Variants in MFN2 observed in about 807,000 individuals in gnomAD.
MFN2 encodes mitofusin-2.
MFN2 carries 43 observed loss-of-function variants against 87.5 expected under a neutral mutation model. The observed-to-expected ratio is 0.49, with a 90% CI of 0.38 to 0.63. The LOEUF (loss-of-function observed/expected upper bound fraction) is 0.63. Ranked by LOEUF, MFN2 falls within the 30% of genes least tolerant of loss-of-function variation. The pLI is 0.00. For synonymous variants in MFN2, 337 were observed against 359.9 expected (o/e 0.94, Z 0.72); for missense variants, 743 against 972.8 (o/e 0.76, Z 3.14).
intron 3 of MFN2, among the ~76,000 whole-genome samples, chr1:11,991,227 T>TG (rs1332162135): frequency 6.6e-6 from 1 of 152,170 alleles, no homozygotes; most frequent in African/African-American, 2.4e-5. Flanking sequence ...GTGCACCTGC[T>TG]GGGTGCTGGG....
At chr1:11,998,419 G>A (rs1036880039) in intron 6 of MFN2, among the ~76,000 whole-genome samples, 6 of 151,954 alleles carry the variant, frequency 3.9e-5, no homozygotes, top group East Asian at 2.0e-4. Context: ...ATGGTGGTGC[G>A]TGCCTGTAGT....
At chr1:12,002,811 C>T (rs943090869) in intron 11 of MFN2, among the ~76,000 whole-genome samples, 1 of 152,242 alleles carries the variant, frequency 6.6e-6, no homozygotes, top group Non-Finnish European at 1.5e-5. Flanking sequence ...GTCCCAGTGT[C>T]ACTCTGCCCT....
At chr1:11,998,099 G>T (rs535885818) in intron 6 of MFN2, among the ~76,000 whole-genome samples, 4 of 151,288 alleles carry the variant, frequency 2.6e-5, no homozygotes, top group Admixed American at 6.6e-5. Flanking sequence ...GGCCAGGCTG[G>T]TCTTGAACTG....
chr1:11,981,875 G>C (rs944077492), intron 1 of MFN2, 95 bp from the exon 2 acceptor site: 2 of 150,254 alleles, frequency 1.3e-5, no homozygotes, highest in African/African-American at 4.9e-5. Flanking sequence ...TCAGGGATGA[G>C]TTTGTTTGGC....
intron 3 of MFN2, among the ~76,000 whole-genome samples, chr1:11,991,717 G>C (rs996505230): frequency 6.6e-6 from 1 of 151,876 alleles, no homozygotes; most frequent in African/African-American, 2.4e-5. Context: ...GAGGTCAGGA[G>C]ATCGAGACCA....
At position 11,989,200 on chromosome 1, in the gene MFN2, T is replaced by G. The variant is rs777625403; in HGVS notation, c.32T>G (p.Ile11Ser). MSLLFSRCNS[I>S]VTVKKNKRHM... is the part of the protein sequence containing the mutation. ...CTGCTCTTCTCTCGATGCAACTCTA[T>G]CGTCACAGTCAAGAAAAATAAGAGA... The change falls in exon 3 of 19, where the codon ATC becomes AGC. Residue 11 changes from isoleucine to serine, a missense_variant. Physicochemically the swap from Ile to Ser is moderately radical, Grantham distance 142. This residue lies in a region of MFN2 where 31 missense variants were observed against 23.2 expected (regional missense o/e 1.33). Coordinates refer to ENST00000235329, the MANE Select transcript of MFN2 (RefSeq NM_014874.4). 3.7e-6 allele frequency: 6 copies of G among 1,614,090 alleles called. No homozygotes were observed. In the South Asian group the frequency reaches 6.6e-5, roughly 18 times the overall value.
chr1:12,007,325 T>C (rs1001951687), intron 17 of MFN2, 76 bp downstream of exon 17: 2 of 1,541,426 alleles, frequency 1.3e-6, no homozygotes, highest in African/African-American at 1.4e-5. Flanking sequence ...CCCATCTCTC[T>C]TCCCACGTGG....
rs77262016 is a variant in MFN2, at chr1:12,009,741, T to C, written c.2204+15T>C. On this transcript the variant is annotated intron_variant, in intron 18 of 18. Transcript: ENST00000235329. ...AAGCTGCTCAGGTGAGGCTGGCCCG[T>C]GTGGCCAAAGGTTAGGGCTCCAGGG... The C allele has an allele frequency of 0.061, 97,795 of 1,614,036 alleles. 3,451 individuals carry two copies. The highest frequency in any genetic ancestry group is 0.12 in the African/African-American group (9,235 of 75,038).
intron 4 of MFN2, among the ~76,000 whole-genome samples, chr1:11,993,114 A>G (rs1487924760): frequency 2.0e-5 from 3 of 151,432 alleles, no homozygotes; most frequent in African/African-American, 7.3e-5. Context: ...AGCTTGTATT[A>G]TAGCCATTAA....
At chr1:11,992,842 G>A in intron 4 of MFN2, 152 bp downstream of exon 4, 1 of 1,108,436 alleles carries the variant, frequency 9.0e-7, no homozygotes, top group East Asian at 2.7e-5. Flanking sequence ...TTTGATTTTT[G>A]AGACAGGGTT....
chr1:11,992,752 T>C (rs1448228667), intron 4 of MFN2, 62 bp downstream of exon 4: 2 of 1,609,078 alleles, frequency 1.2e-6, no homozygotes, highest in African/African-American at 2.7e-5. Flanking sequence ...AGGCACTTTG[T>C]GCAAGGTCAC....
intron 14 of MFN2, among the ~76,000 whole-genome samples, chr1:12,005,485 G>A (rs897080201): frequency 1.3e-5 from 2 of 152,254 alleles, no homozygotes; most frequent in African/African-American, 4.8e-5. Flanking sequence ...GTCCACGTGA[G>A]GCATAAGTGT....
intron 8 of MFN2, among the ~76,000 whole-genome samples, chr1:11,999,918 C>A (rs1003383809): frequency 4.6e-5 from 7 of 151,580 alleles, no homozygotes; most frequent in African/African-American, 1.7e-4. Context: ...CGTGGTGAAA[C>A]CCCGTGTCTA....
chr1:12,001,369 A>G (rs1409001445), intron 8 of MFN2, 32 bp from the exon 9 acceptor site: 1 of 1,611,792 alleles, frequency 6.2e-7, no homozygotes, highest in Non-Finnish European at 8.5e-7. Context: ...GGCCACCTAC[A>G]CTCACTCTGG....
chr1:12,012,824 T>G lies in MFN2; in HGVS notation c.*1259T>G, dbSNP rs1639746351. 1 of 152,938 alleles carries G rather than the reference T, an allele frequency of 6.5e-6. No homozygotes were observed. The highest frequency in any genetic ancestry group is 2.4e-5 in the African/African-American group (1 of 41,450). The allele number at this position is 152,938 out of a possible 1,614,324, so 9.5% of individuals were successfully genotyped here. A position where few individuals can be genotyped will look rare whatever the true frequency, so the allele number is the denominator to read the frequency against. ...GGTGTTGACTGTGTGAGAAAAGCAG[T>G]TTGGGTGACAAATCCTGTGTGGCAC... On this transcript the variant is annotated 3_prime_UTR_variant, in exon 19 of 19. Coordinates refer to ENST00000235329, the MANE Select transcript of MFN2 (RefSeq NM_014874.4).
chr1:11,995,977 G>A (rs1638890718), intron 4 of MFN2, among the ~76,000 whole-genome samples, 179 bp from the exon 5 acceptor site: 1 of 152,152 alleles, frequency 6.6e-6, no homozygotes, highest in Admixed American at 6.6e-5. Context: ...CAGAGGTTTG[G>A]GCCTGGGGGT....
chr1:11,986,031 C>T (rs529948201), intron 2 of MFN2, among the ~76,000 whole-genome samples: 1 of 152,266 alleles, frequency 6.6e-6, no homozygotes, highest in Admixed American at 6.5e-5. Context: ...AATGTAGAAA[C>T]GGAAGTGGGG....
At position 12,005,706 on chromosome 1, in the gene MFN2, G is replaced by A; in HGVS notation, c.1496-5G>A. Reference sequence around the variant, plus strand: ...AAGCTTTTCCTCCATTTCTCTTCCTGACAGATGGCTTGAAACCCCTCCTTC... The same window carrying A: ...AAGCTTTTCCTCCATTTCTCTTCCTAACAGATGGCTTGAAACCCCTCCTTC... On this transcript the variant is annotated splice_region_variant and splice_polypyrimidine_tract_variant and intron_variant, in intron 14 of 18. Transcript: ENST00000235329. 6.2e-7 allele frequency: 1 copy of A among 1,614,016 alleles called. No individual in the cohort carries two copies.
At chr1:11,987,881 G>A (rs1287448897) in intron 2 of MFN2, among the ~76,000 whole-genome samples, 3 of 152,146 alleles carry the variant, frequency 2.0e-5, no homozygotes, top group African/African-American at 7.2e-5. Context: ...GACCCAAGAG[G>A]TTGAGGCTGC....
Sources: gnomAD v4.1 joint callset for allele counts (sites outside exome capture counted in the v4.1 genomes callset) on GRCh38, gnomAD v4.1.1 for gene constraint, gnomAD v4.1.1 regional missense constraint, MANE v1.5 for transcripts, NCBI Gene and HGNC (gene_info 2026-07-23, HGNC 2026-07-21) for gene names.